Variants in DCC observed in about 807,000 individuals in gnomAD.
The protein encoded by DCC is DCC netrin 1 receptor.
A neutral mutation model predicts 172.5 loss-of-function variants in DCC; 58 were observed. The observed-to-expected ratio is 0.34, with a 90% CI of 0.27 to 0.42. The LOEUF is 0.42. Among genes scored for constraint, DCC ranks in the 10% least tolerant of loss-of-function variants. The pLI, the probability that DCC is intolerant of heterozygous loss-of-function variation, is 1.00. For synonymous variants in DCC, 709 were observed against 644.5 expected (o/e 1.10, Z -1.52); for missense variants, 1,740 against 1,791.0 (o/e 0.97, Z 0.51).
intron 2 of DCC, among the ~76,000 whole-genome samples, chr18:52,829,437 T>C (rs9948007): frequency 0.051 from 7,752 of 152,266 alleles, 298 homozygotes; most frequent in South Asian, 0.18. Context: ...CACTGAAGTC[T>C]CTTTAATCTC....
chr18:53,448,852 CA>C (rs1030885097), intron 22 of DCC, among the ~76,000 whole-genome samples: 1 of 150,654 alleles, frequency 6.6e-6, no homozygotes, highest in Non-Finnish European at 1.5e-5. Context: ...GACTCTGTCT[CA>C]AAAAAAAATC....
chr18:52,370,399 TC>T (rs1374892024), intron 1 of DCC, among the ~76,000 whole-genome samples: 2 of 152,054 alleles, frequency 1.3e-5, no homozygotes, highest in Non-Finnish European at 2.9e-5. Context: ...AGGAACAAGA[TC>T]ATGTCTTTTT....
At chr18:53,215,650 G>C in intron 12 of DCC, 53 bp downstream of exon 12, 12 of 1,444,928 alleles carry the variant, frequency 8.3e-6, no homozygotes, top group Non-Finnish European at 1.2e-5. Flanking sequence ...TACCTATCAT[G>C]TATAACCTTC....
rs539972199 is a variant in DCC at position 52,834,259 on chromosome 18, A to C, written c.413-71785A>C. 2.5e-4 allele frequency among the ~76,000 whole-genome samples: 38 copies of C among 152,330 alleles called. 1 individual carries two copies. In the South Asian group the frequency reaches 7.7e-3, roughly 31 times the overall value. ...GGAAGTAAAGTTTTTAAACAGTTTG[A>C]AGTCCAATTCATCTCATATCTTAAC... On this transcript the variant is annotated intron_variant, in intron 2 of 28. Coordinates refer to ENST00000442544, the MANE Select transcript of DCC (RefSeq NM_005215.4).
chr18:52,629,420 T>A (rs2144876148), intron 1 of DCC, among the ~76,000 whole-genome samples: 1 of 152,254 alleles, frequency 6.6e-6, no homozygotes, highest in Non-Finnish European at 1.5e-5. Context: ...TTACTAAGTC[T>A]TAGTTAGTTA....
intron 1 of DCC, among the ~76,000 whole-genome samples, chr18:52,437,984 C>T (rs1247831717): frequency 4.6e-5 from 7 of 152,140 alleles, no homozygotes; most frequent in African/African-American, 1.7e-4. Flanking sequence ...CCTATTCACT[C>T]CTTTTCACAA....
intron 13 of DCC, among the ~76,000 whole-genome samples, chr18:53,312,463 A>T (rs557694572): frequency 2.0e-5 from 3 of 151,956 alleles, no homozygotes; most frequent in Non-Finnish European, 4.4e-5. Context: ...TTAAATTTTT[A>T]AAAATATTCC....
intron 1 of DCC, among the ~76,000 whole-genome samples, chr18:52,737,835 A>G (rs1009005962): frequency 2.6e-5 from 4 of 152,172 alleles, no homozygotes; most frequent in African/African-American, 9.7e-5. Context: ...TTTAAAGCTT[A>G]TAAATGCTAA....
At chr18:52,539,575 A>G (rs888233638) in intron 1 of DCC, among the ~76,000 whole-genome samples, 1 of 152,188 alleles carries the variant, frequency 6.6e-6, no homozygotes, top group African/African-American at 2.4e-5. Context: ...ATGAGAATCT[A>G]ATGCCTGATG....
At chr18:53,003,485 C>G (rs549654158) in intron 5 of DCC, among the ~76,000 whole-genome samples, 1 of 152,084 alleles carries the variant, frequency 6.6e-6, no homozygotes, top group South Asian at 2.1e-4. Flanking sequence ...TGTGTGCTCT[C>G]TTTGTAATTT....
At chr18:53,008,703 A>G (rs2041682852) in intron 5 of DCC, among the ~76,000 whole-genome samples, 1 of 151,946 alleles carries the variant, frequency 6.6e-6, no homozygotes, top group Non-Finnish European at 1.5e-5. Flanking sequence ...GGATGAATAC[A>G]CTATACATAC....
chr18:52,396,441 C>G (rs1341726104), intron 1 of DCC, among the ~76,000 whole-genome samples: 1 of 152,010 alleles, frequency 6.6e-6, no homozygotes, highest in Non-Finnish European at 1.5e-5. Context: ...TGCCAACTAG[C>G]TCCTCCAAAC....
At chr18:52,816,163 C>G (rs2038292678) in intron 2 of DCC, among the ~76,000 whole-genome samples, 1 of 152,196 alleles carries the variant, frequency 6.6e-6, no homozygotes, top group African/African-American at 2.4e-5. Context: ...GTAACTTGGT[C>G]ACACTCACAC....
intron 12 of DCC, among the ~76,000 whole-genome samples, chr18:53,251,673 G>C (rs2056436931): frequency 1.3e-5 from 2 of 151,822 alleles, no homozygotes; most frequent in Non-Finnish European, 1.5e-5. Context: ...GCGTGTGTGA[G>C]TGTGTGTGTG....
intron 2 of DCC, among the ~76,000 whole-genome samples, chr18:52,890,335 T>C (rs986070109): frequency 1.3e-5 from 2 of 151,948 alleles, no homozygotes; most frequent in Admixed American, 6.6e-5. Flanking sequence ...TGGTGAGGTA[T>C]ACAGGAAAAT....
chr18:53,310,646 G>C (rs1216635955), intron 13 of DCC, among the ~76,000 whole-genome samples: 1 of 151,982 alleles, frequency 6.6e-6, no homozygotes, highest in Non-Finnish European at 1.5e-5. Context: ...TGTTTGAATT[G>C]AATTTAAGAG....
intron 8 of DCC, among the ~76,000 whole-genome samples, chr18:53,171,953 G>A (rs1417762642): frequency 2.6e-5 from 4 of 151,946 alleles, no homozygotes; most frequent in African/African-American, 9.7e-5. Flanking sequence ...TATTATTTTA[G>A]GCACTATGGA....
intron 7 of DCC, among the ~76,000 whole-genome samples, chr18:53,136,060 C>T (rs903519043): frequency 1.3e-5 from 2 of 151,768 alleles, no homozygotes; most frequent in African/African-American, 4.9e-5. Context: ...TTGATTTTTT[C>T]CCTACAAACA....
intron 15 of DCC, among the ~76,000 whole-genome samples, chr18:53,373,878 T>C (rs1217190895): frequency 9.7e-6 from 1 of 102,904 alleles, no homozygotes; most frequent in African/African-American, 3.0e-5. Flanking sequence ...TTTTGTTATC[T>C]TCAAGTGTGA....
Sources: gnomAD v4.1 joint callset for allele counts (sites outside exome capture counted in the v4.1 genomes callset) on GRCh38, gnomAD v4.1.1 for gene constraint, MANE v1.5 for transcripts, NCBI Gene and HGNC (gene_info 2026-07-23, HGNC 2026-07-21) for gene names.